The following KCTD8 variants were observed in gnomAD, a reference collection of about 807,000 sequenced individuals.
KCTD8 encodes the protein potassium channel tetramerization domain containing 8.
In KCTD8, 27 loss-of-function variants were observed where a neutral mutation model predicts 31.5. The observed-to-expected ratio is 0.86, with a 90% confidence interval of 0.63 to 1.18. The LOEUF is 1.18. Ranked by LOEUF, KCTD8 falls within the 50% of genes most tolerant of loss-of-function variation. The probability of loss-of-function intolerance (pLI) is 0.00; values close to 1 mark genes in which losing one functional copy is unlikely to be tolerated. For missense variants in KCTD8, 658 were observed against 647.7 expected (o/e 1.02, Z -0.17); for synonymous variants, 290 against 280.0 (o/e 1.04, Z -0.36).
intron 1 of KCTD8, among the ~76,000 whole-genome samples, chr4:44,188,565 C>G (rs529125175): frequency 2.6e-5 from 4 of 152,104 alleles, no homozygotes; most frequent in Admixed American, 1.3e-4. Flanking sequence ...ATAGCAGGCC[C>G]GAATCCCTGG....
At chr4:44,381,412 A>C (rs1720061421) in intron 1 of KCTD8, among the ~76,000 whole-genome samples, 2 of 152,086 alleles carry the variant, frequency 1.3e-5, no homozygotes, top group South Asian at 4.1e-4. Flanking sequence ...AGTAGCATCA[A>C]ATATAATAAA....
At chr4:44,405,203 G>T (rs191868178) in intron 1 of KCTD8, among the ~76,000 whole-genome samples, 40 of 151,986 alleles carry the variant, frequency 2.6e-4, no homozygotes, top group Admixed American at 1.9e-3. Context: ...TGCAAAATGT[G>T]CTCTTATTAA....
At chr4:44,296,653 T>C (rs919626625) in intron 1 of KCTD8, among the ~76,000 whole-genome samples, 2 of 152,110 alleles carry the variant, frequency 1.3e-5, no homozygotes, top group African/African-American at 4.8e-5. Context: ...ACTCTATTCC[T>C]CTACTAACAC....
intron 1 of KCTD8, among the ~76,000 whole-genome samples, chr4:44,401,011 C>CTTTTTTTTTTTTT (rs59602420): frequency 4.2e-5 from 4 of 95,916 alleles, no homozygotes; most frequent in African/African-American, 8.0e-5. Context: ...AATTTTCTTT[C>CTTTTTTTTTTTTT]TTTTTTTTTT....
intron 1 of KCTD8, among the ~76,000 whole-genome samples, chr4:44,312,421 T>C (rs1200785604): frequency 2.0e-5 from 3 of 152,198 alleles, no homozygotes; most frequent in Admixed American, 2.0e-4. Context: ...ACACGATTAA[T>C]ACTGATGTTG....
chr4:44,364,553 A>G (rs1162461205), intron 1 of KCTD8, among the ~76,000 whole-genome samples: 2 of 152,134 alleles, frequency 1.3e-5, no homozygotes, highest in Non-Finnish European at 2.9e-5. Context: ...TTATCATATG[A>G]TCCAGAAACT....
chr4:44,423,716 G>GA (rs1470496429), intron 1 of KCTD8, among the ~76,000 whole-genome samples: 1 of 152,018 alleles, frequency 6.6e-6, no homozygotes, highest in Non-Finnish European at 1.5e-5. Flanking sequence ...GGAAAAAAAC[G>GA]AAAGCTTTTT....
chr4:44,413,199 A>G (rs921461035), intron 1 of KCTD8, among the ~76,000 whole-genome samples: 1 of 152,208 alleles, frequency 6.6e-6, no homozygotes, highest in African/African-American at 2.4e-5. Flanking sequence ...AATGTACTGT[A>G]TAATTTACTT....
chr4:44,362,511 C>CA (rs1719525133), intron 1 of KCTD8, among the ~76,000 whole-genome samples: 1 of 151,994 alleles, frequency 6.6e-6, no homozygotes, highest in African/African-American at 2.4e-5. Context: ...AGCAGGGTAG[C>CA]ATTTGTGGAA....
At chr4:44,298,406 G>GCC (rs140926683) in intron 1 of KCTD8, among the ~76,000 whole-genome samples, 498 of 149,642 alleles carry the variant, frequency 3.3e-3, no homozygotes, top group South Asian at 9.1e-3. Flanking sequence ...CTAATGATCT[G>GCC]CCCCCCCCAC....
chr4:44,260,854 G>A (rs1034433524), intron 1 of KCTD8, among the ~76,000 whole-genome samples: 3 of 151,882 alleles, frequency 2.0e-5, no homozygotes, highest in Admixed American at 1.3e-4. Context: ...GGAGTGGTAT[G>A]GTATGAGTTT....
intron 1 of KCTD8, among the ~76,000 whole-genome samples, chr4:44,262,375 C>A (rs774506069): frequency 6.6e-6 from 1 of 151,688 alleles, no homozygotes; most frequent in Non-Finnish European, 1.5e-5. Context: ...TGGTAATGAT[C>A]CAAGAGAGAA....
intron 1 of KCTD8, among the ~76,000 whole-genome samples, chr4:44,268,007 A>G (rs1008892036): frequency 6.6e-6 from 1 of 152,332 alleles, no homozygotes; most frequent in East Asian, 1.9e-4. Flanking sequence ...TATTCCAATC[A>G]ATAGAAAAAG....
At chr4:44,283,070 A>T (rs1456591215) in intron 1 of KCTD8, among the ~76,000 whole-genome samples, 2 of 126,884 alleles carry the variant, frequency 1.6e-5, no homozygotes, top group East Asian at 4.1e-4. Flanking sequence ...TATTATTATT[A>T]TTATTGAGAC....
rs549748258 is a variant in KCTD8 at position 44,238,018 on chromosome 4, C to A, written c.962-62768G>T. 5.3e-5 allele frequency among the ~76,000 whole-genome samples: 8 copies of A among 152,320 alleles called. 1 individual carries two copies. The South Asian group carries it at 1.7e-3, about 32-fold the overall frequency. ...CAAACTTCCACTATATTTCACTGCT[C>A]TCAGGATGAAGTCTGAAATCTCTGA... On this transcript the variant is annotated intron_variant, in intron 1 of 1. Coordinates refer to ENST00000360029, the MANE Select transcript of KCTD8 (RefSeq NM_198353.3).
intron 1 of KCTD8, among the ~76,000 whole-genome samples, chr4:44,274,635 T>C (rs1716700707): frequency 6.6e-6 from 1 of 151,888 alleles, no homozygotes; most frequent in Admixed American, 6.6e-5. Flanking sequence ...ATTTATATAG[T>C]CATTTCTTGG....
At chr4:44,409,772 G>T (rs1057495529) in intron 1 of KCTD8, among the ~76,000 whole-genome samples, 1 of 116,702 alleles carries the variant, frequency 8.6e-6, no homozygotes, top group Non-Finnish European at 1.8e-5. Flanking sequence ...CTCATCTTCA[G>T]GTTTCCAGTT....
chr4:44,432,368 T>C (rs146280478), intron 1 of KCTD8, among the ~76,000 whole-genome samples: 139 of 151,682 alleles, frequency 9.2e-4, no homozygotes, highest in African/African-American at 3.2e-3. Flanking sequence ...TCTGTCCTCT[T>C]TTCACTTAAT....
At chr4:44,178,537 A>G (rs1042336743) in intron 1 of KCTD8, among the ~76,000 whole-genome samples, 1 of 152,150 alleles carries the variant, frequency 6.6e-6, no homozygotes, top group African/African-American at 2.4e-5. Context: ...CATCAAAGGA[A>G]TCTATGATTT....
Sources: gnomAD v4.1 joint callset for allele counts (sites outside exome capture counted in the v4.1 genomes callset) on GRCh38, gnomAD v4.1.1 for gene constraint, MANE v1.5 for transcripts, NCBI Gene and HGNC (gene_info 2026-07-23, HGNC 2026-07-21) for gene names.